MCU: variants seen among roughly 807,000 people sequenced by gnomAD.
MCU encodes mitochondrial calcium uniporter.
MCU carries 12 observed loss-of-function variants against 45.2 expected under a neutral mutation model. That is an observed-to-expected ratio of 0.27 (90% CI 0.17 to 0.43). The LOEUF (loss-of-function observed/expected upper bound fraction) is 0.43. MCU is among the 20% of genes least tolerant of loss of function. MCU has a pLI of 1.00. For missense variants in MCU, 324 were observed against 436.7 expected, an observed-to-expected ratio of 0.74 and a Z score of 2.30; for synonymous variants, 160 against 165.1, an observed-to-expected ratio of 0.97 and a Z score of 0.24.
intron 1 of MCU, among the ~76,000 whole-genome samples, chr10:72,709,406 T>C (rs1410305314): frequency 1.3e-5 from 2 of 152,224 alleles, no homozygotes; most frequent in Non-Finnish European, 2.9e-5. Context: ...AAAAATCTAA[T>C]GAGAAGATTG....
chr10:72,871,343 G>A (rs1845539898), intron 5 of MCU, 34 bp from the exon 6 acceptor site: 1 of 1,603,496 alleles, frequency 6.2e-7, no homozygotes, highest in Non-Finnish European at 8.5e-7. Flanking sequence ...TTGGTTTTAT[G>A]TCAAAATGCC....
At chr10:72,841,442 C>G (rs1223117526) in intron 2 of MCU, among the ~76,000 whole-genome samples, 2 of 152,102 alleles carry the variant, frequency 1.3e-5, no homozygotes, top group Non-Finnish European at 2.9e-5. Flanking sequence ...GGGTTACAGG[C>G]ACCCGCCACC....
intron 2 of MCU, among the ~76,000 whole-genome samples, chr10:72,854,577 G>T (rs1165702524): frequency 6.6e-6 from 1 of 152,176 alleles, no homozygotes; most frequent in African/African-American, 2.4e-5. Flanking sequence ...GACTGACTGT[G>T]ATATGGTAAA....
At chr10:72,790,077 A>C (rs368369447) in intron 1 of MCU, among the ~76,000 whole-genome samples, 2 of 152,210 alleles carry the variant, frequency 1.3e-5, no homozygotes, top group Non-Finnish European at 2.9e-5. Flanking sequence ...AGCAGACTCT[A>C]TATGGAACTT....
chr10:72,718,672 C>G (rs1032663757), intron 1 of MCU, among the ~76,000 whole-genome samples: 8 of 152,150 alleles, frequency 5.3e-5, no homozygotes, highest in African/African-American at 1.9e-4. Context: ...TATCTATATT[C>G]ACCAAAAGAC....
chr10:72,785,063 C>A (rs903387013), intron 1 of MCU, among the ~76,000 whole-genome samples: 2 of 152,156 alleles, frequency 1.3e-5, no homozygotes, highest in Non-Finnish European at 2.9e-5. Context: ...TTTTCCAGGG[C>A]TCTTCCTGTC....
At chr10:72,759,769 T>C (rs1433108901) in intron 1 of MCU, among the ~76,000 whole-genome samples, 1 of 152,026 alleles carries the variant, frequency 6.6e-6, no homozygotes, top group African/African-American at 2.4e-5. Flanking sequence ...GTCATAAGGG[T>C]GGACCCCTAA....
intron 1 of MCU, among the ~76,000 whole-genome samples, chr10:72,730,306 TC>T (rs1178917854): frequency 7.1e-4 from 105 of 148,398 alleles, no homozygotes; most frequent in African/African-American, 2.3e-3. Context: ...CCTTTCTTTT[TC>T]TTTTTTTTTT....
At chr10:72,837,168 T>G (rs954703403) in intron 2 of MCU, among the ~76,000 whole-genome samples, 4 of 152,154 alleles carry the variant, frequency 2.6e-5, no homozygotes, top group Non-Finnish European at 5.9e-5. Flanking sequence ...CTTACCTCTC[T>G]AACAAAGCAA....
chr10:72,849,485 G>A (rs966606151), intron 2 of MCU, among the ~76,000 whole-genome samples: 1 of 152,140 alleles, frequency 6.6e-6, no homozygotes, highest in African/African-American at 2.4e-5. Context: ...AGTTATGGCT[G>A]TGGGAGACCC....
intron 2 of MCU, among the ~76,000 whole-genome samples, chr10:72,846,102 G>A (rs1428270148): frequency 6.6e-6 from 1 of 152,030 alleles, no homozygotes; most frequent in Non-Finnish European, 1.5e-5. Flanking sequence ...GAGTGCAGTG[G>A]TGCAATATCA....
At chr10:72,866,741 T>C (rs140146237) in intron 4 of MCU, among the ~76,000 whole-genome samples, 1 of 152,166 alleles carries the variant, frequency 6.6e-6, no homozygotes, top group African/African-American at 2.4e-5. Flanking sequence ...CTTTATCTAA[T>C]AAAATAGTTC....
chr10:72,854,868 CCA>C, intron 2 of MCU, among the ~76,000 whole-genome samples: 1 of 152,124 alleles, frequency 6.6e-6, no homozygotes. Flanking sequence ...ATCTTATGAC[CCA>C]CAGAGTCTAA....
intron 1 of MCU, among the ~76,000 whole-genome samples, chr10:72,776,932 T>G (rs1039089327): frequency 3.9e-5 from 6 of 151,964 alleles, no homozygotes; most frequent in Non-Finnish European, 7.4e-5. Flanking sequence ...GCAAACAATC[T>G]GAAAAAGAAA....
chr10:72,829,807 G>T (rs925972163), intron 1 of MCU, among the ~76,000 whole-genome samples: 3 of 151,932 alleles, frequency 2.0e-5, no homozygotes, highest in African/African-American at 7.2e-5. Context: ...TTTTTTGTTT[G>T]TTGTTGCCAT....
At chr10:72,863,048 C>T (rs1845403272) in intron 4 of MCU, among the ~76,000 whole-genome samples, 1 of 152,078 alleles carries the variant, frequency 6.6e-6, no homozygotes, top group Admixed American at 6.6e-5. Context: ...ATGTTGCCTA[C>T]TTTCTCTCCA....
intron 1 of MCU, among the ~76,000 whole-genome samples, chr10:72,740,203 A>G (rs1337087428): frequency 2.0e-5 from 3 of 151,272 alleles, no homozygotes; most frequent in Non-Finnish European, 4.4e-5. Flanking sequence ...ACATGATGAA[A>G]CCTCGTCTCT....
At chr10:72,767,624 A>T (rs575917005) in intron 1 of MCU, among the ~76,000 whole-genome samples, 4 of 152,092 alleles carry the variant, frequency 2.6e-5, no homozygotes, top group Non-Finnish European at 5.9e-5. Context: ...CTGGGATTAC[A>T]GGCACAATTC....
intron 1 of MCU, among the ~76,000 whole-genome samples, chr10:72,718,183 T>C (rs1398365800): frequency 2.6e-5 from 4 of 152,196 alleles, no homozygotes; most frequent in Admixed American, 1.3e-4. Flanking sequence ...CTGAAGTCCC[T>C]TTCAATTTCC....
Sources: gnomAD v4.1 joint callset for allele counts (sites outside exome capture counted in the v4.1 genomes callset) on GRCh38, gnomAD v4.1.1 for gene constraint, MANE v1.5 for transcripts, NCBI Gene and HGNC (gene_info 2026-07-23, HGNC 2026-07-21) for gene names.